Variants in RFTN1 observed in about 807,000 individuals in gnomAD.
The protein encoded by RFTN1 is raftlin.
Under a neutral mutation model 46.5 loss-of-function variants are expected in RFTN1, and 26 were observed. The observed-to-expected ratio is 0.56, with a 90% confidence interval of 0.41 to 0.78. The LOEUF is 0.78. Ranked by LOEUF, RFTN1 falls within the 30% of genes least tolerant of loss-of-function variation. The pLI is 0.00. For missense variants in RFTN1, 693 were observed against 718.7 expected (o/e 0.96, Z 0.41); for synonymous variants, 261 against 284.2 (o/e 0.92, Z 0.82).
At position 16,352,108 on chromosome 3, in the gene RFTN1, T is replaced by C. The variant is rs2072143756; in HGVS notation, c.1146+5824A>G. Among the ~76,000 whole-genome samples, 1 of 152,260 alleles carries C rather than the reference T, an allele frequency of 6.6e-6. No individual in the cohort carries two copies. Among genetic ancestry groups the C allele is most frequent in the African/African-American group, 2.4e-5 (1 of 41,462 alleles). Reference sequence around the variant, plus strand: ...TGTAAGATAGGAATCTGATTTGCTTTGGGTCTCTTTAATTGGCTTTTTCAA... The same window carrying C: ...TGTAAGATAGGAATCTGATTTGCTTCGGGTCTCTTTAATTGGCTTTTTCAA... On this transcript the variant is annotated intron_variant, in intron 7 of 9. Coordinates refer to ENST00000334133, the MANE Select transcript of RFTN1 (RefSeq NM_015150.2). This position sits in a 1 kb window ranked among gnomAD's most constrained non-coding sequence, Gnocchi z 4.6.
chr3:16,417,481 T>C (rs970920836), intron 3 of RFTN1, among the ~76,000 whole-genome samples: 1 of 152,204 alleles, frequency 6.6e-6, no homozygotes. Flanking sequence ...TCAACACAAC[T>C]GGCCACAGAT....
rs1032006084 is a variant in RFTN1 at position 16,489,082 on chromosome 3, C to A, written c.145+4643G>T. Among the ~76,000 whole-genome samples the A allele has an allele frequency of 6.6e-6, 1 of 152,078 alleles. No homozygotes were observed. The highest frequency in any genetic ancestry group is 6.6e-5 in the Admixed American group (1 of 15,252). On this transcript the variant is annotated intron_variant, in intron 2 of 9. Coordinates refer to ENST00000334133, the MANE Select transcript of RFTN1 (RefSeq NM_015150.2). The surrounding 1 kb of genome is among the most constrained non-coding windows in gnomAD (Gnocchi z 4.0). ...AAGAGCTAGGTTTTGAAAAAGAGTA[C>A]GTACTATTTGATTCCATTTATATAA...
chr3:16,494,562 T>A (rs528880283), intron 1 of RFTN1, among the ~76,000 whole-genome samples: 2 of 152,154 alleles, frequency 1.3e-5, no homozygotes, highest in Non-Finnish European at 2.9e-5. Context: ...GATAGAGCAA[T>A]TGGAAGCAGA....
chr3:16,426,660 C>CGTGTGTGTGT lies in RFTN1; in HGVS notation c.332+7181_332+7190dup, dbSNP rs34705903. Among the ~76,000 whole-genome samples the CGTGTGTGTGT allele has an allele frequency of 0.026, 3,645 of 142,048 alleles. 96 individuals carry two copies. The highest frequency in any genetic ancestry group is 0.057 in the African/African-American group (2,158 of 37,560). 93.2% of individuals were successfully genotyped at this position (142,048 alleles called of 152,430 possible). A position where few individuals can be genotyped will look rare whatever the true frequency, so the allele number is the denominator to read the frequency against. ...ACTGTTATTTTGGCAATGAAAGGATCGTGTGTGTGTGTGTGTGTGTGTGTG... is the reference window on the plus strand; with the variant it reads ...ACTGTTATTTTGGCAATGAAAGGATCGTGTGTGTGTGTGTGTGTGTGTGTGTGTGTGTGTG... On this transcript the variant is annotated intron_variant, in intron 3 of 9. Coordinates refer to ENST00000334133, the MANE Select transcript of RFTN1 (RefSeq NM_015150.2). This position sits in a 1 kb window ranked among gnomAD's most constrained non-coding sequence, Gnocchi z 5.9.
Position 16,370,311 on chromosome 3 carries a change from AAG to A in RFTN1, c.827-34_827-33del, listed in dbSNP as rs3830529. The A allele has an allele frequency of 2.1e-4, 334 of 1,601,396 alleles. 2 individuals carry two copies. The East Asian group carries it at 7.2e-3, about 35-fold the overall frequency. ...GGATTTGTAAAGGGAGTGGAGAGAGAAGAGGTCAACTGATGATAAAAATCTGT... is the reference window on the plus strand; with the variant it reads ...GGATTTGTAAAGGGAGTGGAGAGAGAAGGTCAACTGATGATAAAAATCTGT... On this transcript the variant is annotated intron_variant, in intron 5 of 9. Coordinates refer to ENST00000334133, the MANE Select transcript of RFTN1 (RefSeq NM_015150.2). The surrounding 1 kb of genome is among the most constrained non-coding windows in gnomAD (Gnocchi z 5.5).
chr3:16,394,524 G>A (rs1168200565), intron 4 of RFTN1, among the ~76,000 whole-genome samples: 1 of 152,184 alleles, frequency 6.6e-6, no homozygotes, highest in African/African-American at 2.4e-5. Context: ...ACCCTTTGGT[G>A]TTAGAAGTTA....
chr3:16,445,993 C>T (rs1475718576), intron 2 of RFTN1, among the ~76,000 whole-genome samples: 2 of 151,640 alleles, frequency 1.3e-5, no homozygotes, highest in Non-Finnish European at 2.9e-5. Context: ...GGTTTATTTG[C>T]CAACAAGGTG....
intron 7 of RFTN1, among the ~76,000 whole-genome samples, chr3:16,355,444 A>G (rs1419401371): frequency 6.6e-6 from 1 of 152,248 alleles, no homozygotes; most frequent in Non-Finnish European, 1.5e-5. Context: ...CATTCCTCAT[A>G]GATGGTGCCA....
chr3:16,357,466 C>T (rs932442645), intron 7 of RFTN1, among the ~76,000 whole-genome samples: 1 of 152,190 alleles, frequency 6.6e-6, no homozygotes, highest in East Asian at 1.9e-4. Context: ...GTTTCCTCAT[C>T]TATATAATGG....
intron 9 of RFTN1, among the ~76,000 whole-genome samples, chr3:16,319,566 G>A (rs1183120000): frequency 3.3e-5 from 5 of 152,180 alleles, no homozygotes; most frequent in Non-Finnish European, 7.3e-5. Flanking sequence ...CCACGTGCTA[G>A]ACCTTCCATC....
intron 4 of RFTN1, among the ~76,000 whole-genome samples, chr3:16,401,277 T>C (rs1056418197): frequency 6.6e-6 from 1 of 151,430 alleles, no homozygotes; most frequent in Non-Finnish European, 1.5e-5. Context: ...TGAGCTGTTA[T>C]TGTGCCACTG....
chr3:16,363,623 C>T (rs959769817), intron 6 of RFTN1, among the ~76,000 whole-genome samples: 4 of 152,264 alleles, frequency 2.6e-5, no homozygotes, highest in Non-Finnish European at 5.9e-5. Context: ...CCCCAGGGTG[C>T]TGTGCTTCGC....
chr3:16,369,014 A>G (rs1489458120), intron 6 of RFTN1, among the ~76,000 whole-genome samples: 5 of 152,220 alleles, frequency 3.3e-5, no homozygotes, highest in African/African-American at 1.2e-4. Context: ...ACTACACTAT[A>G]CAATGCCTGC....
intron 3 of RFTN1, chr3:16,416,093 C>A: frequency 2.8e-6 from 1 of 354,718 alleles, no homozygotes; most frequent in Middle Eastern, 3.8e-4. Flanking sequence ...CATCTTACAT[C>A]TTGGGACCCC....
intron 1 of RFTN1, among the ~76,000 whole-genome samples, chr3:16,508,283 C>T (rs1019084145): frequency 2.0e-5 from 3 of 152,146 alleles, no homozygotes; most frequent in Non-Finnish European, 2.9e-5. Flanking sequence ...CCCTGCACCC[C>T]GGAGGCAGGT....
At chr3:16,485,306 A>G (rs867879192) in intron 2 of RFTN1, among the ~76,000 whole-genome samples, 1 of 152,370 alleles carries the variant, frequency 6.6e-6, no homozygotes, top group South Asian at 2.1e-4. Flanking sequence ...TGATACACAC[A>G]ACAGCAAGGA....
Position 16,426,538 on chromosome 3 carries a change from C to T in RFTN1, c.332+7313G>A, listed in dbSNP as rs574887177. The stretch of plus-strand genomic sequence containing the variant: ...AATGCATTTGTACTTCACTTATGGT[C>T]CGCAAAGATTTCCTTTCTTTGAAGG... On this transcript the variant is annotated intron_variant, in intron 3 of 9. Transcript: ENST00000334133. This position sits in a 1 kb window ranked among gnomAD's most constrained non-coding sequence, Gnocchi z 5.9. Among the ~76,000 whole-genome samples, 1 of 152,062 alleles carries T rather than the reference C, an allele frequency of 6.6e-6. No individual in the cohort carries two copies. The highest frequency in any genetic ancestry group is 1.5e-5 in the Non-Finnish European group (1 of 68,028).
In RFTN1 at chr3:16,370,222, T is replaced by C. The variant is rs2073437989; in HGVS notation, c.884A>G (p.Tyr295Cys). 6.2e-7 allele frequency: 1 copy of C among 1,613,902 alleles called. No homozygotes were observed. The highest frequency in any genetic ancestry group is 1.3e-5 in the African/African-American group (1 of 74,908). Residue 295 changes from tyrosine to cysteine, a missense_variant, in exon 6 of 10, where the codon TAC (tyrosine) becomes TGC (cysteine). By Grantham distance (194) the Tyr-to-Cys change is radical. Transcript: ENST00000334133. This position sits in a 1 kb window ranked among gnomAD's most constrained non-coding sequence, Gnocchi z 5.5. ...KPKSHQKCRQ[Y>C]YPVTIPLHVS... ...ATGGAGAGGAATGGTGACAGGGTAGTATTGCCGGCACTTCTGATGGCTCTT... is the reference window on the plus strand; with the variant it reads ...ATGGAGAGGAATGGTGACAGGGTAGCATTGCCGGCACTTCTGATGGCTCTT...
At position 16,447,451 on chromosome 3, in the gene RFTN1, C is replaced by T. The variant is rs1044589870; in HGVS notation, c.146-13414G>A. Among the ~76,000 whole-genome samples the T allele has an allele frequency of 6.6e-5, 10 of 152,154 alleles. No homozygotes were observed. The highest frequency in any genetic ancestry group is 1.4e-4 in the African/African-American group (6 of 41,424). On this transcript the variant is annotated intron_variant, in intron 2 of 9. Coordinates refer to ENST00000334133, the MANE Select transcript of RFTN1 (RefSeq NM_015150.2). The surrounding 1 kb of genome is among the most constrained non-coding windows in gnomAD (Gnocchi z 5.9). ...CCATTAACCAATTTGCATGCAAAATCGACATCAGCACTCTCTGGTCTATTT... is the reference window on the plus strand; with the variant it reads ...CCATTAACCAATTTGCATGCAAAATTGACATCAGCACTCTCTGGTCTATTT...
Sources: gnomAD v4.1 joint callset for allele counts (sites outside exome capture counted in the v4.1 genomes callset) on GRCh38, gnomAD v4.1.1 for gene constraint, Gnocchi (gnomAD v3.1) non-coding constraint, MANE v1.5 for transcripts, NCBI Gene and HGNC (gene_info 2026-07-23, HGNC 2026-07-21) for gene names.